MARCHF1: variants seen among roughly 807,000 people sequenced by gnomAD.
MARCHF1 encodes E3 ubiquitin-protein ligase MARCHF1.
MARCHF1 carries 40 observed loss-of-function variants against 54.2 expected under a neutral mutation model. That is an observed-to-expected ratio of 0.74 (90% CI 0.57 to 0.96). The LOEUF (loss-of-function observed/expected upper bound fraction) is 0.96, where lower values mean the gene tolerates loss of function less well. Among genes scored for constraint, MARCHF1 ranks in the 40% least tolerant of loss-of-function variants. The pLI, the probability that MARCHF1 is intolerant of heterozygous loss-of-function variation, is 0.00. For synonymous variants in MARCHF1, 236 were observed against 236.3 expected (o/e 1.00, Z 0.01); for missense variants, 586 against 656.5 (o/e 0.89, Z 1.17).
chr4:164,265,166 T>G (rs1733577362), intron 1 of MARCHF1, among the ~76,000 whole-genome samples: 4 of 152,118 alleles, frequency 2.6e-5, no homozygotes. Flanking sequence ...GATTTTGCTT[T>G]AATTTGAAAT....
chr4:163,986,249 CTTTTTTTTTT>C (rs869081083), intron 3 of MARCHF1, among the ~76,000 whole-genome samples: 15 of 28,888 alleles, frequency 5.2e-4, no homozygotes, highest in East Asian at 4.2e-3. Context: ...TTAACCTCTT[CTTTTTTTTTT>C]TTTTTTTTTT....
intron 1 of MARCHF1, among the ~76,000 whole-genome samples, chr4:164,242,340 A>C (rs1732794985): frequency 6.8e-6 from 1 of 146,932 alleles, no homozygotes; most frequent in Admixed American, 6.8e-5. Context: ...GAGCAGCCTA[A>C]CTGGGAGGCA....
intron 3 of MARCHF1, among the ~76,000 whole-genome samples, chr4:163,908,774 C>T (rs1275067643): frequency 6.6e-6 from 1 of 152,068 alleles, no homozygotes; most frequent in African/African-American, 2.4e-5. Context: ...GAGCATCTCC[C>T]CACCACGACA....
chr4:164,046,179 T>C (rs1251816609), intron 2 of MARCHF1, among the ~76,000 whole-genome samples: 2 of 152,238 alleles, frequency 1.3e-5, no homozygotes, highest in Non-Finnish European at 2.9e-5. Flanking sequence ...ATCAAATGTT[T>C]GGTAATGGGC....
chr4:163,895,159 A>T (rs892266857), intron 3 of MARCHF1, among the ~76,000 whole-genome samples: 1 of 152,204 alleles, frequency 6.6e-6, no homozygotes. Flanking sequence ...TATAAGACGT[A>T]TGTGTGTATA....
intron 1 of MARCHF1, among the ~76,000 whole-genome samples, chr4:164,204,191 C>T (rs576228088): frequency 3.3e-5 from 5 of 152,182 alleles, no homozygotes; most frequent in East Asian, 1.9e-4. Flanking sequence ...TCTCATCAAA[C>T]GTCAAAAATT....
intron 1 of MARCHF1, among the ~76,000 whole-genome samples, chr4:164,271,004 GA>G (rs1303377287): frequency 6.6e-5 from 10 of 152,174 alleles, no homozygotes; most frequent in African/African-American, 2.4e-4. Context: ...CATAATTCAT[GA>G]GTAGAAAAAT....
intron 5 of MARCHF1, among the ~76,000 whole-genome samples, chr4:163,683,743 T>C (rs190733139): frequency 2.2e-3 from 332 of 152,334 alleles, no homozygotes; most frequent in Non-Finnish European, 2.6e-3. Context: ...AAACACATTA[T>C]TTCAAAACTT....
chr4:163,836,039 G>C (rs1749172000), intron 4 of MARCHF1, among the ~76,000 whole-genome samples: 1 of 152,028 alleles, frequency 6.6e-6, no homozygotes, highest in Admixed American at 6.6e-5. Context: ...TCCCAGCCTA[G>C]GCTGGTGATG....
intron 5 of MARCHF1, among the ~76,000 whole-genome samples, chr4:163,628,254 C>T (rs1462659488): frequency 6.6e-6 from 1 of 152,036 alleles, no homozygotes; most frequent in Admixed American, 6.6e-5. Context: ...TTTGAGTAGC[C>T]ATTTAAAAAT....
At chr4:164,367,810 G>T (rs1379486378) in intron 1 of MARCHF1, among the ~76,000 whole-genome samples, 3 of 151,682 alleles carry the variant, frequency 2.0e-5, no homozygotes, top group Non-Finnish European at 2.9e-5. Context: ...CTGTGAAATT[G>T]CATGAGTCCA....
At chr4:164,188,464 G>C in intron 1 of MARCHF1, 1 of 650,406 alleles carries the variant, frequency 1.5e-6, no homozygotes, top group South Asian at 1.7e-5. Context: ...ACGTGGGCAC[G>C]GTGGTCTGCG....
At chr4:164,058,812 T>C (rs1754549887) in intron 2 of MARCHF1, among the ~76,000 whole-genome samples, 1 of 152,224 alleles carries the variant, frequency 6.6e-6, no homozygotes, top group Non-Finnish European at 1.5e-5. Context: ...GAATGGTTGG[T>C]AAAGTCTCTG....
intron 4 of MARCHF1, among the ~76,000 whole-genome samples, chr4:163,788,824 G>A (rs1057387618): frequency 6.6e-6 from 1 of 152,016 alleles, no homozygotes; most frequent in Non-Finnish European, 1.5e-5. Context: ...TACAATCCAA[G>A]AGTAGGGACG....
intron 2 of MARCHF1, among the ~76,000 whole-genome samples, chr4:164,051,521 A>T (rs73869007): frequency 5.9e-4 from 90 of 152,324 alleles, no homozygotes; most frequent in Middle Eastern, 3.4e-3. Flanking sequence ...CTAAATTTGT[A>T]TTCTTATAGT....
intron 9 of MARCHF1, chr4:163,530,356 A>ATCATGT (rs1738304670): frequency 6.6e-6 from 1 of 152,044 alleles, no homozygotes; most frequent in African/African-American, 2.4e-5. Context: ...TCATGTGATA[A>ATCATGT]GATTTTGTTT....
chr4:163,826,852 C>T (rs899374407), intron 4 of MARCHF1, among the ~76,000 whole-genome samples: 1 of 151,872 alleles, frequency 6.6e-6, no homozygotes, highest in Admixed American at 6.6e-5. Context: ...TTATCCCCAG[C>T]AGAGATAAAA....
chr4:163,848,823 G>A (rs369283730), intron 4 of MARCHF1, among the ~76,000 whole-genome samples: 197 of 151,840 alleles, frequency 1.3e-3, no homozygotes, highest in African/African-American at 4.2e-3. Flanking sequence ...AATATATTCC[G>A]AATTTAAAAC....
chr4:163,618,960 C>A (rs1741595873), intron 5 of MARCHF1, among the ~76,000 whole-genome samples: 1 of 151,990 alleles, frequency 6.6e-6, no homozygotes, highest in African/African-American at 2.4e-5. Context: ...CTGTCCAACA[C>A]AAGGTGAGTG....
Sources: gnomAD v4.1 joint callset for allele counts (sites outside exome capture counted in the v4.1 genomes callset) on GRCh38, gnomAD v4.1.1 for gene constraint, MANE v1.5 for transcripts, NCBI Gene and HGNC (gene_info 2026-07-23, HGNC 2026-07-21) for gene names.